The following DGKI variants were observed in gnomAD, a reference collection of about 807,000 sequenced individuals.
The protein encoded by DGKI is DAG kinase iota.
A neutral mutation model predicts 147.5 loss-of-function variants in DGKI; 55 were observed. That is an observed-to-expected ratio of 0.37 (90% CI 0.30 to 0.47). The LOEUF (loss-of-function observed/expected upper bound fraction) is 0.47. Among genes scored for constraint, DGKI ranks in the 20% least tolerant of loss-of-function variants. DGKI has a pLI of 1.00. For synonymous variants in DGKI, 469 were observed against 477.1 expected, an observed-to-expected ratio of 0.98 and a Z score of 0.22; for missense variants, 1,007 against 1,323.8, an observed-to-expected ratio of 0.76 and a Z score of 3.71.
intron 1 of DGKI, among the ~76,000 whole-genome samples, chr7:137,724,319 A>G (rs745457757): frequency 6.6e-6 from 1 of 152,188 alleles, no homozygotes; most frequent in Non-Finnish European, 1.5e-5. Flanking sequence ...AACCAACATA[A>G]GTTTTTGAGC....
chr7:137,754,373 G>A (rs1415030376), intron 1 of DGKI, among the ~76,000 whole-genome samples: 4 of 152,140 alleles, frequency 2.6e-5, no homozygotes, highest in Non-Finnish European at 5.9e-5. Context: ...TTCAGGTCCT[G>A]CCCCTTGTCT....
At chr7:137,474,340 G>A (rs1458429697) in intron 23 of DGKI, among the ~76,000 whole-genome samples, 5 of 152,150 alleles carry the variant, frequency 3.3e-5, no homozygotes, top group African/African-American at 4.8e-5. Context: ...TGAAGTCAAT[G>A]TTAAAATGAT....
chr7:137,517,229 GAAAGAAAGAAAGAAAGAAAAGAA>G lies in DGKI; in HGVS notation c.2248+4614_2248+4636del, dbSNP rs1266854047. On this transcript the variant is annotated intron_variant, in intron 21 of 32. Transcript: ENST00000614521. ...AAAAGTAAAGAAAAGAAAAGAAAAA[GAAAGAAAGAAAGAAAGAAAAGAA>G]AAAGAAAGAAAGAAAGAAAGAAAAG... Among the ~76,000 whole-genome samples, 700 of 104,414 alleles carry G rather than the reference GAAAGAAAGAAAGAAAGAAAAGAA, an allele frequency of 6.7e-3. 14 individuals carry two copies. The highest frequency in any genetic ancestry group is 0.029 in the African/African-American group (665 of 23,232). The allele number at this position is 104,414 out of a possible 152,430, so 68.5% of individuals were successfully genotyped here. A position where few individuals can be genotyped will look rare whatever the true frequency, so the allele number is the denominator to read the frequency against.
chr7:137,770,625 C>G (rs1278683218), intron 1 of DGKI, among the ~76,000 whole-genome samples: 1 of 50,110 alleles, frequency 2.0e-5, no homozygotes, highest in East Asian at 5.5e-4. Context: ...GCTCCGCCTC[C>G]CGGGTTCACG....
chr7:137,445,820 A>T (rs1314271487), intron 27 of DGKI, among the ~76,000 whole-genome samples: 1 of 152,222 alleles, frequency 6.6e-6, no homozygotes, highest in Non-Finnish European at 1.5e-5. Flanking sequence ...TCAGAGCCAA[A>T]GGACATCAAA....
At position 137,391,146 on chromosome 7, in the gene DGKI, CA is replaced by C. The variant is rs1811346524; in HGVS notation, c.*73del. On this transcript the variant is annotated 3_prime_UTR_variant, in exon 33 of 33. Transcript: ENST00000614521. ...ATATATGAATTCCATCAGCTTCTTC[CA>C]GGGGAGCTGCCCAATTGCAGGGAGG... 2 of 1,126,146 alleles carry C rather than the reference CA, an allele frequency of 1.8e-6. No homozygotes were observed. Among genetic ancestry groups the C allele is most frequent in the Non-Finnish European group, 2.7e-6 (2 of 737,490 alleles). 69.8% of individuals were successfully genotyped at this position (1,126,146 alleles called of 1,614,324 possible). A position where few individuals can be genotyped will look rare whatever the true frequency, so the allele number is the denominator to read the frequency against.
rs1169776788 is a variant in DGKI, at chr7:137,472,358, A to ATACATTAAATATTATATG, written c.2374-2740_2374-2739insCATATAATATTTAATGTA. On this transcript the variant is annotated intron_variant, in intron 23 of 32. Coordinates refer to ENST00000614521, the MANE Select transcript of DGKI (RefSeq NM_001321708.2). Reference sequence around the variant, plus strand: ...ATATACATATAATTATTATATGTATATATACATATAATTATTATATGTATA... The same window carrying ATACATTAAATATTATATG: ...ATATACATATAATTATTATATGTATATACATTAAATATTATATGTATACATATAATTATTATATGTATA... Among the ~76,000 whole-genome samples, 18 of 119,152 alleles carry ATACATTAAATATTATATG rather than the reference A, an allele frequency of 1.5e-4. 2 individuals carry two copies. Among genetic ancestry groups the ATACATTAAATATTATATG allele is most frequent in the African/African-American group, 6.9e-4 (18 of 26,112 alleles). The allele number at this position is 119,152 out of a possible 152,430, so 78.2% of individuals were successfully genotyped here.
At chr7:137,501,057 C>T in intron 21 of DGKI, among the ~76,000 whole-genome samples, 1 of 152,092 alleles carries the variant, frequency 6.6e-6, no homozygotes, top group East Asian at 1.9e-4. Flanking sequence ...AATCACTATT[C>T]TACTCTCTAC....
intron 1 of DGKI, among the ~76,000 whole-genome samples, chr7:137,763,660 C>A (rs559543030): frequency 6.6e-6 from 1 of 152,224 alleles, no homozygotes; most frequent in South Asian, 2.1e-4. Context: ...CATTTATTAT[C>A]CACGATTCTC....
At chr7:137,568,543 T>C (rs1818671230) in intron 19 of DGKI, among the ~76,000 whole-genome samples, 1 of 152,162 alleles carries the variant, frequency 6.6e-6, no homozygotes, top group Non-Finnish European at 1.5e-5. Flanking sequence ...CTTCTCCAGA[T>C]AGACCCACCA....
intron 1 of DGKI, among the ~76,000 whole-genome samples, chr7:137,736,728 T>C (rs1298216426): frequency 6.6e-6 from 1 of 152,076 alleles, no homozygotes; most frequent in Non-Finnish European, 1.5e-5. Context: ...AATAGCATAA[T>C]TTAATCAGAA....
At chr7:137,563,259 A>G (rs2128972183) in intron 19 of DGKI, among the ~76,000 whole-genome samples, 1 of 151,808 alleles carries the variant, frequency 6.6e-6, no homozygotes, top group Non-Finnish European at 1.5e-5. Context: ...AAATTCCTTC[A>G]TCATATAAAG....
At chr7:137,477,363 G>A (rs1396605324) in intron 23 of DGKI, among the ~76,000 whole-genome samples, 1 of 152,128 alleles carries the variant, frequency 6.6e-6, no homozygotes, top group African/African-American at 2.4e-5. Flanking sequence ...ATCTTAATAT[G>A]TTTTTAGCAT....
chr7:137,454,521 T>G (rs1240048984), intron 27 of DGKI, among the ~76,000 whole-genome samples: 2 of 152,036 alleles, frequency 1.3e-5, no homozygotes, highest in African/African-American at 4.8e-5. Flanking sequence ...TTGGAGAAAA[T>G]AATACTTCAC....
chr7:137,496,225 T>C (rs1815959950), intron 21 of DGKI, among the ~76,000 whole-genome samples: 1 of 151,652 alleles, frequency 6.6e-6, no homozygotes, highest in Admixed American at 6.6e-5. Context: ...ACAAACAAAA[T>C]AAAATACCTA....
chr7:137,613,019 A>G (rs1484909227), intron 8 of DGKI, among the ~76,000 whole-genome samples: 1 of 152,156 alleles, frequency 6.6e-6, no homozygotes, highest in African/African-American at 2.4e-5. Context: ...AAATAATCCT[A>G]TCAATAAAAT....
intron 12 of DGKI, among the ~76,000 whole-genome samples, chr7:137,589,515 C>A (rs1346592426): frequency 6.6e-6 from 1 of 152,200 alleles, no homozygotes; most frequent in African/African-American, 2.4e-5. Flanking sequence ...ACCAACAAAG[C>A]TGGCTACTGA....
At chr7:137,546,250 C>T (rs563409380) in intron 20 of DGKI, among the ~76,000 whole-genome samples, 6 of 152,094 alleles carry the variant, frequency 3.9e-5, no homozygotes, top group Non-Finnish European at 5.9e-5. Flanking sequence ...GACGGCAGGT[C>T]GGGGGGTGTA....
At chr7:137,662,085 T>C (rs1024749863) in intron 3 of DGKI, among the ~76,000 whole-genome samples, 1 of 152,080 alleles carries the variant, frequency 6.6e-6, no homozygotes, top group African/African-American at 2.4e-5. Context: ...TTAGGAAAAA[T>C]GAAGAATGAC....
Sources: allele counts gnomAD v4.1 joint callset (sites outside exome capture counted in the v4.1 genomes callset), GRCh38; gene constraint gnomAD v4.1.1; transcripts MANE v1.5; gene names NCBI Gene and HGNC (gene_info 2026-07-23, HGNC 2026-07-21).